TSHZ2: variants seen among roughly 807,000 people sequenced by gnomAD.
The protein encoded by TSHZ2 is teashirt homolog 2.
TSHZ2 carries 21 observed loss-of-function variants against 74.4 expected under a neutral mutation model. That is an observed-to-expected ratio of 0.28 (90% confidence interval 0.20 to 0.41). The LOEUF (loss-of-function observed/expected upper bound fraction) is 0.41. Ranked by LOEUF, TSHZ2 falls within the 10% of genes least tolerant of loss-of-function variation. The pLI is 1.00. For synonymous variants in TSHZ2, 540 were observed against 515.3 expected (o/e 1.05, Z -0.65); for missense variants, 1,244 against 1,293.5 (o/e 0.96, Z 0.59).
intron 1 of TSHZ2, among the ~76,000 whole-genome samples, chr20:53,181,688 A>G (rs1367700684): frequency 6.6e-6 from 1 of 152,182 alleles, no homozygotes; most frequent in Non-Finnish European, 1.5e-5. Context: ...GGAGATTGAG[A>G]CCATCCTGGC....
chr20:53,233,617 G>A (rs1989876079), intron 1 of TSHZ2, among the ~76,000 whole-genome samples: 1 of 152,164 alleles, frequency 6.6e-6, no homozygotes, highest in Non-Finnish European at 1.5e-5. Flanking sequence ...ACTTGCCTAA[G>A]AACACATAGC....
At chr20:53,371,146 A>C (rs1309746098) in intron 2 of TSHZ2, among the ~76,000 whole-genome samples, 1 of 152,022 alleles carries the variant, frequency 6.6e-6, no homozygotes, top group African/African-American at 2.4e-5. Context: ...ACTGAATTAC[A>C]CCTGCAAAGA....
chr20:53,436,882 T>C (rs1984105153), intron 2 of TSHZ2, among the ~76,000 whole-genome samples: 1 of 152,114 alleles, frequency 6.6e-6, no homozygotes, highest in African/African-American at 2.4e-5. Flanking sequence ...CTCTTGGCCC[T>C]AGCAATTCTG....
chr20:53,163,909 T>A (rs1156703759), intron 1 of TSHZ2, among the ~76,000 whole-genome samples: 1 of 152,246 alleles, frequency 6.6e-6, no homozygotes, highest in Non-Finnish European at 1.5e-5. Context: ...AATTGATAAC[T>A]AATATAATTT....
chr20:53,249,765 GCACAT>G (rs1361619771), intron 1 of TSHZ2, among the ~76,000 whole-genome samples: 1 of 152,206 alleles, frequency 6.6e-6, no homozygotes, highest in Non-Finnish European at 1.5e-5. Context: ...TTGGCCTAGG[GCACAT>G]CCTGCAGGCT....
chr20:53,110,872 C>T (rs199807664), intron 1 of TSHZ2, among the ~76,000 whole-genome samples: 2 of 151,592 alleles, frequency 1.3e-5, no homozygotes, highest in African/African-American at 2.4e-5. Context: ...GAAGATGCAG[C>T]TGAGTCCCAT....
chr20:53,353,391 G>A (rs541850514), intron 2 of TSHZ2, among the ~76,000 whole-genome samples: 1 of 152,166 alleles, frequency 6.6e-6, no homozygotes, highest in South Asian at 2.1e-4. Context: ...ACACATACAT[G>A]TCATAGAATT....
At chr20:53,094,302 C>T (rs184248258) in intron 1 of TSHZ2, among the ~76,000 whole-genome samples, 144 of 152,276 alleles carry the variant, frequency 9.5e-4, no homozygotes, top group African/African-American at 3.3e-3. Context: ...TTTTCATTTT[C>T]ATTAAAAACA....
At chr20:53,402,910 T>A (rs1328995692) in intron 2 of TSHZ2, among the ~76,000 whole-genome samples, 1 of 152,176 alleles carries the variant, frequency 6.6e-6, no homozygotes, top group Non-Finnish European at 1.5e-5. Flanking sequence ...ACTGTTCAGC[T>A]CCCAGGGCTG....
chr20:53,452,325 C>T (rs535823491), intron 2 of TSHZ2, among the ~76,000 whole-genome samples: 6 of 152,260 alleles, frequency 3.9e-5, no homozygotes, highest in Admixed American at 6.5e-5. Context: ...GCAGGCCAAG[C>T]GTGGTGGCTC....
intron 1 of TSHZ2, among the ~76,000 whole-genome samples, chr20:53,126,941 G>C (rs190353317): frequency 1.3e-5 from 2 of 152,122 alleles, no homozygotes; most frequent in East Asian, 3.9e-4. Flanking sequence ...AGGATGTTCT[G>C]TCCGTTCCAT....
intron 1 of TSHZ2, among the ~76,000 whole-genome samples, chr20:53,093,796 A>C (rs1348801942): frequency 6.6e-6 from 1 of 152,188 alleles, no homozygotes; most frequent in Non-Finnish European, 1.5e-5. Context: ...CTCAATAAAC[A>C]CATGCTAAAA....
chr20:53,019,610 C>A (rs1486338435), intron 1 of TSHZ2, among the ~76,000 whole-genome samples: 1 of 152,130 alleles, frequency 6.6e-6, no homozygotes, highest in East Asian at 1.9e-4. Context: ...CAGGTCTTGG[C>A]CTTTACGTGA....
At chr20:53,012,660 C>CCA (rs145074307) in intron 1 of TSHZ2, among the ~76,000 whole-genome samples, 52 of 151,198 alleles carry the variant, frequency 3.4e-4, no homozygotes, top group Admixed American at 1.5e-3. Flanking sequence ...AACCAACCAA[C>CCA]CACACACACA....
At chr20:53,467,337 A>G (rs1337651289) in intron 2 of TSHZ2, among the ~76,000 whole-genome samples, 1 of 152,258 alleles carries the variant, frequency 6.6e-6, no homozygotes, top group Non-Finnish European at 1.5e-5. Context: ...AGAAGGAAAG[A>G]GTGGTCTATT....
rs922159804 is a variant in TSHZ2 at position 53,088,843 on chromosome 20, C to A, written c.40+115510C>A. ...CACAGCAATGCAGAGACTCCACTGC[C>A]GCTCACCTAGCTAGGAGGCTGCAGC... On this transcript the variant is annotated intron_variant, in intron 1 of 2. Transcript: ENST00000371497. Among the ~76,000 whole-genome samples the A allele has an allele frequency of 1.1e-4, 16 of 152,204 alleles. 1 individual carries two copies. Among genetic ancestry groups the A allele is most frequent in the Admixed American group, 3.9e-4 (6 of 15,292 alleles).
intron 1 of TSHZ2, among the ~76,000 whole-genome samples, chr20:53,214,434 G>A (rs956967484): frequency 2.0e-5 from 3 of 152,212 alleles, no homozygotes; most frequent in Admixed American, 6.5e-5. Context: ...ACAGTGTTGC[G>A]AGGGCTCACG....
intron 2 of TSHZ2, among the ~76,000 whole-genome samples, chr20:53,308,880 G>A (rs1978659355): frequency 6.6e-6 from 1 of 152,234 alleles, no homozygotes; most frequent in African/African-American, 2.4e-5. Context: ...ACCTGGGAGG[G>A]CTTCATGGTT....
At chr20:53,343,184 C>T (rs1980290737) in intron 2 of TSHZ2, among the ~76,000 whole-genome samples, 1 of 151,988 alleles carries the variant, frequency 6.6e-6, no homozygotes, top group South Asian at 2.1e-4. Context: ...CCAGGTTGGT[C>T]TTGAACTCCT....
Sources: allele counts gnomAD v4.1 joint callset (sites outside exome capture counted in the v4.1 genomes callset), GRCh38; gene constraint gnomAD v4.1.1; transcripts MANE v1.5; gene names NCBI Gene and HGNC (gene_info 2026-07-23, HGNC 2026-07-21).